The following DKC1 variants were observed in gnomAD, a reference collection of about 807,000 sequenced individuals.
DKC1 encodes the protein dyskerin pseudouridine synthase 1.
DKC1 carries 4 observed loss-of-function variants against 46.7 expected under a neutral mutation model. That is an observed-to-expected ratio of 0.09 (90% CI 0.04 to 0.20). DKC1 has a LOEUF of 0.20. Ranked by LOEUF, DKC1 falls within the 10% of genes least tolerant of loss-of-function variation. The probability of loss-of-function intolerance (pLI) is 1.00; values close to 1 mark genes in which losing one functional copy is unlikely to be tolerated. For synonymous variants in DKC1, 141 were observed against 142.4 expected (o/e 0.99, Z 0.07); for missense variants, 171 against 404.2 (o/e 0.42, Z 4.95).
chrX:154,775,462 TTTGTATTCTCTG>T, intron 13 of DKC1, 189 bp downstream of exon 13: 1 of 498,417 alleles, frequency 2.0e-6, no homozygotes, highest in Non-Finnish European at 3.6e-6. Context: ...GCTCCTCTGA[TTTGTATTCTCTG>T]TCCTATCTGC....
chrX:154,771,114 A>T (rs2071818379), intron 10 of DKC1, among the ~76,000 whole-genome samples: 1 of 107,087 alleles, frequency 9.3e-6, no homozygotes, highest in Admixed American at 1.0e-4. Flanking sequence ...GTTATTATTG[A>T]TTATAGTCAC....
At chrX:154,768,175 G>A (rs2071774655) in intron 7 of DKC1, 127 bp from the exon 8 acceptor site, 1 of 889,599 alleles carries the variant, frequency 1.1e-6, no homozygotes, top group Non-Finnish European at 1.6e-6. Flanking sequence ...TACAGCAAAT[G>A]CTTATATTTT....
intron 1 of DKC1, among the ~76,000 whole-genome samples, chrX:154,764,263 A>T (rs188512507): frequency 1.3e-3 from 139 of 108,843 alleles, no homozygotes; most frequent in Non-Finnish European, 2.1e-3. Flanking sequence ...ACACAAGGTT[A>T]TAAGTGGTGC....
chrX:154,773,306 T>TA (rs1490168334), intron 11 of DKC1, 57 bp downstream of exon 11: 15 of 531,824 alleles, frequency 2.8e-5, no homozygotes, highest in Middle Eastern at 6.0e-4. Context: ...TTTTTTTTTT[T>TA]AAATTTATTT....
intron 5 of DKC1, 32 bp downstream of exon 5, chrX:154,766,432 G>C (rs377328126): frequency 2.6e-6 from 3 of 1,147,988 alleles, no homozygotes; most frequent in African/African-American, 1.8e-5. Flanking sequence ...GGACTGGCTA[G>C]AGTGAAAAGC....
chrX:154,763,026 G>A (rs1557263747), intron 1 of DKC1, 45 bp downstream of exon 1: 1 of 1,156,787 alleles, frequency 8.6e-7, no homozygotes, highest in Non-Finnish European at 1.2e-6. Context: ...CGGGCGACTC[G>A]GGGAACGGGG....
chrX:154,776,691 C>A, intron 14 of DKC1, 108 bp from the exon 15 acceptor site: 2 of 803,711 alleles, frequency 2.5e-6, no homozygotes, highest in South Asian at 4.2e-5. Context: ...CCTTACAGGT[C>A]CTGAAAAAGG....
Position 154,776,785 on chromosome X carries a change from C to G in DKC1, c.1477-14C>G. 2 of 1,202,472 alleles carry G rather than the reference C, an allele frequency of 1.7e-6. No homozygotes were observed. Among genetic ancestry groups the G allele is most frequent in the Non-Finnish European group, 2.3e-6 (2 of 888,580 alleles). ...TGGATGGTATCTGTGAGCTTTCATT[C>G]TCTTTCTTTCTAGGACAGTGATACC... On this transcript the variant is annotated splice_polypyrimidine_tract_variant and intron_variant, in intron 14 of 14. Transcript: ENST00000369550.
chrX:154,765,782 A>G, intron 3 of DKC1, 125 bp from the exon 4 acceptor site: 1 of 592,900 alleles, frequency 1.7e-6, no homozygotes, highest in South Asian at 2.3e-5. Flanking sequence ...AACAGTTCTC[A>G]GTTTTTGTAC....
intron 2 of DKC1, 191 bp from the exon 3 acceptor site, chrX:154,765,253 C>T (rs782069567): frequency 5.0e-5 from 26 of 517,574 alleles, no homozygotes; most frequent in Admixed American, 4.3e-4. Flanking sequence ...TGTTTGGACC[C>T]ATCTTAGTGA....
At chrX:154,772,663 C>T (rs782006205) in intron 10 of DKC1, among the ~76,000 whole-genome samples, 4 of 112,254 alleles carry the variant, frequency 3.6e-5, no homozygotes, top group South Asian at 3.6e-4. Context: ...AAATGCTCTG[C>T]GCACCCTCTT....
At chrX:154,766,122 A>G (rs1557264133) in intron 4 of DKC1, 94 bp from the exon 5 acceptor site, 6 of 1,025,600 alleles carry the variant, frequency 5.9e-6, no homozygotes, top group Non-Finnish European at 1.4e-6. Context: ...CTGTACCCGC[A>G]GTGAATTATT....
At chrX:154,764,864 G>T in intron 1 of DKC1, 35 bp from the exon 2 acceptor site, 1 of 1,085,770 alleles carries the variant, frequency 9.2e-7, no homozygotes, top group South Asian at 1.8e-5. Context: ...TTTATTCTTG[G>T]GGAAAATTCC....
At chrX:154,770,342 G>A (rs1344960508) in intron 9 of DKC1, among the ~76,000 whole-genome samples, 1 of 108,607 alleles carries the variant, frequency 9.2e-6, no homozygotes, top group African/African-American at 3.4e-5. Flanking sequence ...GGTGGCACGT[G>A]CCTGTAATCC....
At chrX:154,767,548 G>A (rs1194755402) in intron 7 of DKC1, among the ~76,000 whole-genome samples, 166 bp downstream of exon 7, 2 of 112,416 alleles carry the variant, frequency 1.8e-5, no homozygotes, top group Non-Finnish European at 3.7e-5. Flanking sequence ...AAAGTGAACA[G>A]TGCCTAGTAA....
intron 9 of DKC1, among the ~76,000 whole-genome samples, 179 bp from the exon 10 acceptor site, chrX:154,770,580 T>C (rs2071811004): frequency 9.1e-6 from 1 of 109,875 alleles, no homozygotes; most frequent in Non-Finnish European, 1.9e-5. Flanking sequence ...GTGGTACCTA[T>C]AGCACAGTGA....
chrX:154,765,800 A>G, intron 3 of DKC1, 107 bp from the exon 4 acceptor site: 5 of 635,719 alleles, frequency 7.9e-6, no homozygotes, highest in Non-Finnish European at 1.3e-5. Context: ...TACTTAGTCC[A>G]TCTTGCAGAC....
intron 1 of DKC1, 58 bp downstream of exon 1, chrX:154,763,039 G>C: frequency 2.6e-6 from 3 of 1,140,153 alleles, no homozygotes; most frequent in African/African-American, 3.6e-5. Context: ...GAACGGGGGT[G>C]GGGGGATGGT....
intron 3 of DKC1, 35 bp downstream of exon 3, chrX:154,765,565 T>A: frequency 1.0e-6 from 1 of 990,056 alleles, no homozygotes; most frequent in African/African-American, 1.9e-5. Context: ...GATGAATGCC[T>A]GCTTTTACGT....
Sources: allele counts gnomAD v4.1 joint callset (sites outside exome capture counted in the v4.1 genomes callset), GRCh38; gene constraint gnomAD v4.1.1; transcripts MANE v1.5; gene names NCBI Gene and HGNC (gene_info 2026-07-23, HGNC 2026-07-21).